Variants in NKAIN2 observed in about 807,000 individuals in gnomAD.
NKAIN2 encodes the protein sodium/potassium-transporting ATPase subunit beta-1-interacting protein 2.
Under a neutral mutation model 32.6 loss-of-function variants are expected in NKAIN2, and 14 were observed. The observed-to-expected ratio is 0.43, with a 90% confidence interval of 0.28 to 0.67. The LOEUF (loss-of-function observed/expected upper bound fraction) is 0.67, where lower values mean the gene tolerates loss of function less well. Ranked by LOEUF, NKAIN2 falls within the 30% of genes least tolerant of loss-of-function variation. The pLI is 0.17. For synonymous variants in NKAIN2, 80 were observed against 87.2 expected (o/e 0.92, Z 0.46); for missense variants, 198 against 258.3 (o/e 0.77, Z 1.60).
At chr6:123,969,227 C>T (rs940716949) in intron 1 of NKAIN2, among the ~76,000 whole-genome samples, 4 of 152,044 alleles carry the variant, frequency 2.6e-5, no homozygotes, top group Non-Finnish European at 4.4e-5. Context: ...AAATGGCAAG[C>T]GCCTTAGGTA....
At chr6:124,344,276 G>A (rs1371745191) in intron 2 of NKAIN2, among the ~76,000 whole-genome samples, 3 of 152,080 alleles carry the variant, frequency 2.0e-5, no homozygotes, top group Non-Finnish European at 4.4e-5. Context: ...GATGCCTCCA[G>A]CTTTGTTCTT....
chr6:124,718,511 G>A (rs2114625296), intron 4 of NKAIN2, among the ~76,000 whole-genome samples: 1 of 152,210 alleles, frequency 6.6e-6, no homozygotes, highest in Admixed American at 6.5e-5. Context: ...CCCACTTTTT[G>A]TCTATTAGGA....
chr6:124,318,158 T>G (rs1221584247), intron 2 of NKAIN2, among the ~76,000 whole-genome samples: 1 of 152,072 alleles, frequency 6.6e-6, no homozygotes, highest in Non-Finnish European at 1.5e-5. Flanking sequence ...ATAATAAATG[T>G]GAGCAATACT....
At chr6:124,600,391 T>G (rs1411993140) in intron 3 of NKAIN2, among the ~76,000 whole-genome samples, 1 of 152,076 alleles carries the variant, frequency 6.6e-6, no homozygotes, top group Non-Finnish European at 1.5e-5. Flanking sequence ...TAAATTTTAT[T>G]TTTACAAATA....
chr6:124,781,940 C>T (rs193204450), intron 4 of NKAIN2, among the ~76,000 whole-genome samples: 1 of 152,198 alleles, frequency 6.6e-6, no homozygotes, highest in Non-Finnish European at 1.5e-5. Flanking sequence ...ATTTTATTCC[C>T]CTGGAGGGTT....
chr6:124,207,588 T>A (rs1044492842), intron 1 of NKAIN2, among the ~76,000 whole-genome samples: 2 of 151,714 alleles, frequency 1.3e-5, no homozygotes, highest in Non-Finnish European at 2.9e-5. Flanking sequence ...ATGTTATGTT[T>A]ACCTGCCATG....
At chr6:123,889,755 A>G (rs368654498) in intron 1 of NKAIN2, among the ~76,000 whole-genome samples, 1 of 152,166 alleles carries the variant, frequency 6.6e-6, no homozygotes. Context: ...GAAATTCAGG[A>G]TGTTATTAGA....
chr6:124,246,258 C>T (rs1793389037), intron 1 of NKAIN2, among the ~76,000 whole-genome samples: 1 of 152,050 alleles, frequency 6.6e-6, no homozygotes, highest in African/African-American at 2.4e-5. Flanking sequence ...TTTAAATGCA[C>T]ATGTCTGATC....
chr6:124,115,860 A>G (rs1351989707), intron 1 of NKAIN2, among the ~76,000 whole-genome samples: 1 of 152,114 alleles, frequency 6.6e-6, no homozygotes, highest in Non-Finnish European at 1.5e-5. Context: ...AGTGATATGT[A>G]GCAATTAAAA....
chr6:124,174,747 T>C (rs1432678597), intron 1 of NKAIN2, among the ~76,000 whole-genome samples: 1 of 152,124 alleles, frequency 6.6e-6, no homozygotes. Context: ...AATGTAGTCA[T>C]ATGACCAAAC....
chr6:124,740,930 A>G (rs919965552), intron 4 of NKAIN2, among the ~76,000 whole-genome samples: 4 of 151,920 alleles, frequency 2.6e-5, no homozygotes, highest in Admixed American at 2.6e-4. Flanking sequence ...CAGAAGGACC[A>G]GTTTGGAAGC....
chr6:124,479,518 T>C (rs746002304), intron 3 of NKAIN2, among the ~76,000 whole-genome samples: 1 of 152,158 alleles, frequency 6.6e-6, no homozygotes, highest in Non-Finnish European at 1.5e-5. Flanking sequence ...TTTCACATGG[T>C]AATGGGATGG....
chr6:124,540,754 C>T (rs142004302), intron 3 of NKAIN2, among the ~76,000 whole-genome samples: 9 of 152,142 alleles, frequency 5.9e-5, no homozygotes, highest in Non-Finnish European at 5.9e-5. Context: ...TACAATTATT[C>T]GGTTTTTCAC....
chr6:124,365,932 A>G (rs1474994), intron 3 of NKAIN2, among the ~76,000 whole-genome samples: 21,085 of 151,956 alleles, frequency 0.14, 1,597 homozygotes, highest in African/African-American at 0.2. Context: ...TCTGAACTCA[A>G]TAAAAATGAA....
chr6:123,869,556 A>G (rs1279693884), intron 1 of NKAIN2, among the ~76,000 whole-genome samples: 2 of 152,204 alleles, frequency 1.3e-5, no homozygotes, highest in Non-Finnish European at 2.9e-5. Flanking sequence ...TTAAATGGCA[A>G]CTGAACAAAT....
chr6:123,857,734 G>A (rs1775610467), intron 1 of NKAIN2, among the ~76,000 whole-genome samples: 2 of 150,664 alleles, frequency 1.3e-5, no homozygotes, highest in Admixed American at 1.3e-4. Context: ...GATTTCTTAG[G>A]AAAAAAGACC....
At chr6:124,426,025 C>G (rs2114548605) in intron 3 of NKAIN2, among the ~76,000 whole-genome samples, 1 of 152,236 alleles carries the variant, frequency 6.6e-6, no homozygotes, top group African/African-American at 2.4e-5. Context: ...GTTCATGTAA[C>G]CTAGACTCTT....
chr6:124,356,709 C>T (rs572029452), intron 3 of NKAIN2, among the ~76,000 whole-genome samples: 2 of 152,254 alleles, frequency 1.3e-5, no homozygotes, highest in Admixed American at 1.3e-4. Context: ...AACTCACATT[C>T]GCCTCAGTGT....
chr6:124,107,315 T>A (rs1324142746), intron 1 of NKAIN2, among the ~76,000 whole-genome samples: 1 of 152,182 alleles, frequency 6.6e-6, no homozygotes, highest in Non-Finnish European at 1.5e-5. Flanking sequence ...ATGACTTTAC[T>A]TGTTTTTTAG....
Sources: gnomAD v4.1 joint callset for allele counts (sites outside exome capture counted in the v4.1 genomes callset) on GRCh38, gnomAD v4.1.1 for gene constraint, MANE v1.5 for transcripts, NCBI Gene and HGNC (gene_info 2026-07-23, HGNC 2026-07-21) for gene names.